Variants in IBTK observed in about 807,000 individuals in gnomAD.
The protein encoded by IBTK is inhibitor of Bruton tyrosine kinase.
In IBTK, 83 loss-of-function variants were observed where a neutral mutation model predicts 154.9. The observed-to-expected ratio is 0.54, with a 90% CI of 0.45 to 0.64. The LOEUF (loss-of-function observed/expected upper bound fraction) is 0.64, where lower values mean the gene tolerates loss of function less well. Ranked by LOEUF, IBTK falls within the 30% of genes least tolerant of loss-of-function variation. IBTK has a pLI of 0.00. For synonymous variants in IBTK, 515 were observed against 536.1 expected, an observed-to-expected ratio of 0.96 and a Z score of 0.54; for missense variants, 1,332 against 1,584.6, an observed-to-expected ratio of 0.84 and a Z score of 2.71.
Position 82,201,509 on chromosome 6 carries a change from C to T in IBTK, c.2730-27G>A, listed in dbSNP as rs749084405. 6 of 1,504,486 alleles carry T rather than the reference C, an allele frequency of 4.0e-6. No individual in the cohort carries two copies. In the East Asian group the frequency reaches 1.4e-4, roughly 34 times the overall value. The allele number at this position is 1,504,486 out of a possible 1,614,324, so 93.2% of individuals were successfully genotyped here. ...TAAAATATAGGATACAAAATTCTATCTTAAGATTCAAGTGACTTGATAACT... is the reference window on the plus strand; with the variant it reads ...TAAAATATAGGATACAAAATTCTATTTTAAGATTCAAGTGACTTGATAACT... On this transcript the variant is annotated intron_variant, in intron 18 of 28. Transcript: ENST00000306270.
chr6:82,182,209 A>T (rs1166851155), intron 25 of IBTK, among the ~76,000 whole-genome samples, 181 bp from the exon 26 acceptor site: 1 of 152,164 alleles, frequency 6.6e-6, no homozygotes, highest in Non-Finnish European at 1.5e-5. Context: ...CATAAGAAAA[A>T]CCAATCAATG....
chr6:82,208,536 G>T (rs1026493053), intron 16 of IBTK, among the ~76,000 whole-genome samples: 1 of 152,036 alleles, frequency 6.6e-6, no homozygotes, highest in Non-Finnish European at 1.5e-5. Flanking sequence ...GAGCCCAGGA[G>T]TTCCAGACCA....
At chr6:82,208,007 A>G (rs972194435) in intron 16 of IBTK, among the ~76,000 whole-genome samples, 2 of 151,970 alleles carry the variant, frequency 1.3e-5, no homozygotes, top group African/African-American at 4.8e-5. Flanking sequence ...AATTACAGTT[A>G]TAAGATGAAT....
At chr6:82,208,384 T>A (rs1337886804) in intron 16 of IBTK, among the ~76,000 whole-genome samples, 1 of 151,986 alleles carries the variant, frequency 6.6e-6, no homozygotes, top group Non-Finnish European at 1.5e-5. Context: ...ACATACAGGG[T>A]AATCATCATG....
At chr6:82,213,612 TG>T (rs1320628670) in intron 12 of IBTK, among the ~76,000 whole-genome samples, 2 of 152,176 alleles carry the variant, frequency 1.3e-5, no homozygotes, top group East Asian at 3.9e-4. Flanking sequence ...AAAAGAAAAT[TG>T]TCCCAGCCAG....
At chr6:82,221,309 GA>G (rs1170878605) in intron 8 of IBTK, among the ~76,000 whole-genome samples, 1 of 152,160 alleles carries the variant, frequency 6.6e-6, no homozygotes, top group Non-Finnish European at 1.5e-5. Flanking sequence ...GGGTGATAGA[GA>G]GAGACTCTGT....
chr6:82,219,863 A>C (rs1770027573), intron 9 of IBTK, among the ~76,000 whole-genome samples: 2 of 152,268 alleles, frequency 1.3e-5, no homozygotes, highest in South Asian at 4.1e-4. Flanking sequence ...ATATGGAAAA[A>C]AATTTCCAAC....
At chr6:82,210,221 G>A (rs887101699) in intron 16 of IBTK, 2 of 151,992 alleles carry the variant, frequency 1.3e-5, no homozygotes, top group Admixed American at 6.6e-5. Context: ...AAGAACTTAT[G>A]TAAGTATTTG....
intron 26 of IBTK, among the ~76,000 whole-genome samples, chr6:82,174,617 G>C (rs1258865835): frequency 6.6e-6 from 1 of 152,068 alleles, no homozygotes; most frequent in Non-Finnish European, 1.5e-5. Context: ...AGAAACAATA[G>C]AGCCAGAGTA....
At chr6:82,197,230 G>T (rs1769024509) in intron 21 of IBTK, among the ~76,000 whole-genome samples, 1 of 151,982 alleles carries the variant, frequency 6.6e-6, no homozygotes, top group African/African-American at 2.4e-5. Flanking sequence ...CTGTATAATT[G>T]ATTTAAAAAT....
intron 17 of IBTK, among the ~76,000 whole-genome samples, chr6:82,203,818 T>G (rs1256805135): frequency 6.6e-6 from 1 of 152,164 alleles, no homozygotes; most frequent in Non-Finnish European, 1.5e-5. Context: ...TTTTAGAATA[T>G]TTTTCTTTTC....
At chr6:82,202,789 G>C in intron 17 of IBTK, 144 bp from the exon 18 acceptor site, 1 of 536,678 alleles carries the variant, frequency 1.9e-6, no homozygotes. Flanking sequence ...GTTAATACTG[G>C]GGCAAATATG....
intron 26 of IBTK, among the ~76,000 whole-genome samples, chr6:82,181,053 A>G (rs920878207): frequency 3.9e-5 from 6 of 152,218 alleles, no homozygotes; most frequent in Non-Finnish European, 7.3e-5. Flanking sequence ...CATTTAAAAT[A>G]TGAAACTTTT....
chr6:82,201,971 C>T (rs1769226979), intron 18 of IBTK, among the ~76,000 whole-genome samples: 1 of 152,152 alleles, frequency 6.6e-6, no homozygotes, highest in Admixed American at 6.5e-5. Flanking sequence ...GGCGATCCAC[C>T]TGCCTCAGCC....
chr6:82,194,667 A>G, intron 22 of IBTK, 25 bp from the exon 23 acceptor site: 1 of 1,542,350 alleles, frequency 6.5e-7, no homozygotes, highest in Non-Finnish European at 8.7e-7. Context: ...AAAATAAAAA[A>G]AGTTAACAGG....
intron 25 of IBTK, among the ~76,000 whole-genome samples, chr6:82,182,858 T>C (rs1306811246): frequency 6.6e-6 from 1 of 152,160 alleles, no homozygotes; most frequent in Non-Finnish European, 1.5e-5. Context: ...GTAGAGAATG[T>C]CAATCCAGAA....
Position 82,191,092 on chromosome 6 carries a change from G to A in IBTK, c.3556C>T (p.Pro1186Ser). ...ETVLFTPSKA[P>S]KPVNAWASSL... Reference sequence around the variant, plus strand: ...GCATACCATGCATTCACTGGTTTGGGGGCTTTTGAAGGAGTGAATAAAACT... The same window carrying A: ...GCATACCATGCATTCACTGGTTTGGAGGCTTTTGAAGGAGTGAATAAAACT... Residue 1186 changes from proline (P) to serine (S), a missense_variant, in exon 25 of 29, where the codon CCC becomes TCC. By Grantham distance (74) the Pro-to-Ser change is moderately conservative. Transcript: ENST00000306270. 6.4e-7 allele frequency: 1 copy of A among 1,574,348 alleles called. No homozygotes were observed.
rs760852973 is a variant in IBTK at position 82,240,520 on chromosome 6, G to A, written c.-34C>T. ...TTTTTATACCACTTACTTCAGAATCGTGAAAACTAATTTTAAAAAATGAAA... is the reference window on the plus strand; with the variant it reads ...TTTTTATACCACTTACTTCAGAATCATGAAAACTAATTTTAAAAAATGAAA... On this transcript the variant is annotated 5_prime_UTR_variant, in exon 2 of 29. The change creates a new upstream start codon in the 5' untranslated region. Transcript: ENST00000306270. The A allele has an allele frequency of 1.9e-5, 30 of 1,542,802 alleles. No homozygotes were observed. The highest frequency in any genetic ancestry group is 3.5e-4 in the Middle Eastern group (2 of 5,794).
At chr6:82,200,750 GA>G in intron 19 of IBTK, 42 bp from the exon 20 acceptor site, 7 of 488,266 alleles carry the variant, frequency 1.4e-5, no homozygotes, top group Middle Eastern at 5.8e-4. Context: ...CAAAATCTGT[GA>G]AGTTTTTTTT....
Sources: gnomAD v4.1 joint callset for allele counts (sites outside exome capture counted in the v4.1 genomes callset) on GRCh38, gnomAD v4.1.1 for gene constraint, MANE v1.5 for transcripts, NCBI Gene and HGNC (gene_info 2026-07-23, HGNC 2026-07-21) for gene names.